Variants in NAALADL2 observed in about 807,000 individuals in gnomAD.
NAALADL2 encodes inactive N-acetylated-alpha-linked acidic dipeptidase-like protein 2.
NAALADL2 carries 76 observed loss-of-function variants against 87.2 expected under a neutral mutation model. The observed-to-expected ratio is 0.87, with a 90% CI of 0.72 to 1.05. NAALADL2 has a LOEUF of 1.05. Ranked by LOEUF, NAALADL2 falls within the 50% of genes least tolerant of loss-of-function variation. The pLI, the probability that NAALADL2 is intolerant of heterozygous loss-of-function variation, is 0.00. For synonymous variants in NAALADL2, 354 were observed against 331.0 expected (o/e 1.07, Z -0.75); for missense variants, 1,089 against 945.8 (o/e 1.15, Z -1.99).
intron 1 of NAALADL2, among the ~76,000 whole-genome samples, chr3:174,911,773 C>T (rs1368465206): frequency 6.6e-6 from 1 of 152,088 alleles, no homozygotes; most frequent in Admixed American, 6.6e-5. Flanking sequence ...ATATCTCAGA[C>T]ATTGCTGAAG....
intron 1 of NAALADL2, among the ~76,000 whole-genome samples, chr3:174,467,136 A>G (rs1345241671): frequency 6.6e-6 from 1 of 152,198 alleles, no homozygotes; most frequent in Non-Finnish European, 1.5e-5. Flanking sequence ...TGCTAATGGG[A>G]GTAAAAAGTA....
intron 9 of NAALADL2, among the ~76,000 whole-genome samples, chr3:175,556,334 T>TA (rs765269143): frequency 1.2e-4 from 18 of 152,340 alleles, no homozygotes; most frequent in Middle Eastern, 3.4e-3. Flanking sequence ...AGCAATTTTT[T>TA]ATCTATCCAT....
chr3:175,351,487 A>G (rs16825532), intron 5 of NAALADL2, among the ~76,000 whole-genome samples: 17,492 of 152,072 alleles, frequency 0.12, 1,130 homozygotes, highest in East Asian at 0.22. Context: ...GCTCACATAC[A>G]ACTACTACCA....
At chr3:175,628,791 A>G (rs1727361245) in intron 11 of NAALADL2, among the ~76,000 whole-genome samples, 2 of 150,740 alleles carry the variant, frequency 1.3e-5, no homozygotes, top group Admixed American at 1.3e-4. Flanking sequence ...GTGAGTGTCA[A>G]TAGAATGAGT....
At chr3:175,303,373 CAT>C (rs1337095395) in intron 4 of NAALADL2, among the ~76,000 whole-genome samples, 6 of 151,962 alleles carry the variant, frequency 3.9e-5, no homozygotes, top group African/African-American at 1.2e-4. Context: ...GTATAAAAAT[CAT>C]ATGATTTTTA....
intron 4 of NAALADL2, among the ~76,000 whole-genome samples, chr3:175,288,709 G>A (rs939380894): frequency 6.6e-6 from 1 of 152,068 alleles, no homozygotes; most frequent in African/African-American, 2.4e-5. Context: ...CATGGGATGC[G>A]GTAGTTAAAT....
intron 1 of NAALADL2, among the ~76,000 whole-genome samples, chr3:174,912,428 C>T (rs1457782244): frequency 6.6e-6 from 1 of 151,896 alleles, no homozygotes; most frequent in Non-Finnish European, 1.5e-5. Context: ...GGGAAGAAAA[C>T]GTTTGTAAAT....
At chr3:174,894,951 A>G (rs867721769) in intron 1 of NAALADL2, among the ~76,000 whole-genome samples, 8 of 152,164 alleles carry the variant, frequency 5.3e-5, no homozygotes, top group African/African-American at 1.9e-4. Flanking sequence ...AAAGAAATCA[A>G]GAAGGAAAGT....
Position 175,755,372 on chromosome 3 carries a change from A to T in NAALADL2, c.2143A>T (p.Met715Leu), listed in dbSNP as rs758685429. Residue 715 changes from methionine (M) to leucine (L), a missense_variant, in exon 13 of 14, where the codon ATG (methionine) becomes TTG (leucine). Transcript: ENST00000454872. ...IRMLNDILQD[M>L]EKSFLVKQAP... is the part of the protein sequence containing the mutation. ...GATGCTGAATGACATTCTCCAAGAC[A>T]TGGAGAAAAGCTTTCTGGTAAAGCA... 35 of 1,610,104 alleles carry T rather than the reference A, an allele frequency of 2.2e-5. No homozygotes were observed. Among genetic ancestry groups the T allele is most frequent in the Non-Finnish European group, 2.9e-5 (34 of 1,177,920 alleles).
rs756157765 is a variant in NAALADL2, at chr3:175,447,292, C to T, written c.1154C>T (p.Pro385Leu). 1.9e-6 allele frequency: 3 copies of T among 1,605,718 alleles called. No homozygotes were observed. The highest frequency in any genetic ancestry group is 8.5e-7 in the Non-Finnish European group (1 of 1,174,868). ...CTATTAGTGCAGCCCATCTCTGCACCCCTCGTTGCAAAACTGATCTCTTCG... is the reference window on the plus strand; with the variant it reads ...CTATTAGTGCAGCCCATCTCTGCACTCCTCGTTGCAAAACTGATCTCTTCG... The part of the protein sequence containing the change: ...TSLLVQPISA[P>L]LVAKLISSPK... Residue 385 changes from proline to leucine, a missense_variant, in exon 6 of 14, where the codon CCC becomes CTC. By Grantham distance (98) the Pro-to-Leu change is moderately conservative. Coordinates refer to ENST00000454872, the MANE Select transcript of NAALADL2 (RefSeq NM_207015.3).
chr3:175,434,804 C>T (rs1420325412), intron 5 of NAALADL2, among the ~76,000 whole-genome samples: 1 of 151,882 alleles, frequency 6.6e-6, no homozygotes, highest in Non-Finnish European at 1.5e-5. Context: ...GTTTACTTAG[C>T]TTATATTACA....
At chr3:175,310,574 T>C (rs1003105237) in intron 4 of NAALADL2, among the ~76,000 whole-genome samples, 2 of 152,028 alleles carry the variant, frequency 1.3e-5, no homozygotes, top group African/African-American at 4.8e-5. Flanking sequence ...CTTTATTATA[T>C]ATACTCTTAG....
At chr3:175,007,185 C>A (rs1445308013) in intron 1 of NAALADL2, among the ~76,000 whole-genome samples, 1 of 147,168 alleles carries the variant, frequency 6.8e-6, no homozygotes, top group Admixed American at 6.8e-5. Flanking sequence ...ACTCTAAAGG[C>A]CAGAAAAGGA....
intron 11 of NAALADL2, among the ~76,000 whole-genome samples, chr3:175,637,722 G>T (rs1391046133): frequency 1.3e-5 from 2 of 152,102 alleles, no homozygotes; most frequent in Admixed American, 6.6e-5. Flanking sequence ...TGTACAGTCT[G>T]CAAAACGGCA....
intron 11 of NAALADL2, among the ~76,000 whole-genome samples, chr3:175,636,080 C>T (rs1728488859): frequency 6.6e-6 from 1 of 152,038 alleles, no homozygotes; most frequent in Admixed American, 6.6e-5. Context: ...AAAAGATTCC[C>T]CTACATGCAC....
intron 9 of NAALADL2, among the ~76,000 whole-genome samples, chr3:175,544,933 A>G (rs534836155): frequency 1.6e-4 from 24 of 152,272 alleles, no homozygotes; most frequent in Non-Finnish European, 2.5e-4. Flanking sequence ...CTTCTTTCCA[A>G]TGAAATTAAT....
At chr3:174,923,906 C>A (rs1003821751) in intron 1 of NAALADL2, among the ~76,000 whole-genome samples, 13 of 152,022 alleles carry the variant, frequency 8.6e-5, no homozygotes, top group African/African-American at 2.9e-4. Context: ...GCCTTGTCCC[C>A]TGGCAGAGTC....
At chr3:174,667,630 G>C (rs1247393901) in intron 2 of NAALADL2, among the ~76,000 whole-genome samples, 2 of 147,220 alleles carry the variant, frequency 1.4e-5, no homozygotes, top group Non-Finnish European at 3.0e-5. Flanking sequence ...GTTTTATAGT[G>C]GGCATACTTT....
At chr3:175,015,383 GA>G (rs1294584006) in intron 1 of NAALADL2, among the ~76,000 whole-genome samples, 2 of 152,124 alleles carry the variant, frequency 1.3e-5, no homozygotes, top group South Asian at 2.1e-4. Flanking sequence ...GAACATTAGG[GA>G]AAAGCCTGTT....
Sources: allele counts gnomAD v4.1 joint callset (sites outside exome capture counted in the v4.1 genomes callset), GRCh38; gene constraint gnomAD v4.1.1; transcripts MANE v1.5; gene names NCBI Gene and HGNC (gene_info 2026-07-23, HGNC 2026-07-21).